Variants in PRICKLE2 observed in about 807,000 individuals in gnomAD.
PRICKLE2 encodes the protein prickle planar cell polarity protein 2.
PRICKLE2 carries 21 observed loss-of-function variants against 81.4 expected under a neutral mutation model. That is an observed-to-expected ratio of 0.26 (90% CI 0.18 to 0.37). PRICKLE2 has a LOEUF of 0.37. Among genes scored for constraint, PRICKLE2 ranks in the 10% least tolerant of loss-of-function variants. The probability of loss-of-function intolerance (pLI) is 1.00; values close to 1 mark genes in which losing one functional copy is unlikely to be tolerated. For missense variants in PRICKLE2, 940 were observed against 1,109.0 expected (o/e 0.85, Z 2.16); for synonymous variants, 456 against 421.5 (o/e 1.08, Z -1.00).
intron 2 of PRICKLE2, among the ~76,000 whole-genome samples, chr3:64,232,544 GCTCCTT>G: frequency 1.2e-4 from 3 of 25,676 alleles, no homozygotes; most frequent in Non-Finnish European, 9.8e-4. Flanking sequence ...CCCTCTGGCT[GCTCCTT>G]CTCAGGCTCT....
chr3:64,140,033 C>A (rs1176840988), intron 7 of PRICKLE2, among the ~76,000 whole-genome samples: 4 of 152,210 alleles, frequency 2.6e-5, no homozygotes, highest in Non-Finnish European at 4.4e-5. Context: ...GCATTGCATT[C>A]CCAGCACCTT....
intron 1 of PRICKLE2, 43 bp from the exon 2 acceptor site, chr3:64,199,010 T>A: frequency 1.1e-6 from 1 of 937,878 alleles, no homozygotes; most frequent in Non-Finnish European, 1.5e-6. Context: ...GGAAAAAACC[T>A]TTTTTTTTTT....
chr3:64,250,881 C>G (rs965699789), intron 2 of PRICKLE2, among the ~76,000 whole-genome samples: 9 of 152,146 alleles, frequency 5.9e-5, no homozygotes, highest in African/African-American at 2.2e-4. Context: ...CCCCAATAAC[C>G]AGCACACCTC....
Position 64,157,264 on chromosome 3 carries a change from A to G in PRICKLE2, c.498T>C (p.Asn166=). Residue 166 remains asparagine, a synonymous_variant, in exon 5 of 8, where the codon AAT becomes AAC. Coordinates refer to ENST00000638394, the MANE Select transcript of PRICKLE2 (RefSeq NM_198859.4). ...AGTAGATCAGATCCACCAGGAGCTC[A>G]TTGCAGACAGTGCATACGAAGCACG... ...HPPCFVCTVC[N]ELLVDLIYFY... is the part of the protein sequence containing the mutation. The G allele has an allele frequency of 1.2e-6, 2 of 1,614,208 alleles. No homozygotes were observed. The highest frequency in any genetic ancestry group is 1.7e-6 in the Non-Finnish European group (2 of 1,180,028).
intron 4 of PRICKLE2, among the ~76,000 whole-genome samples, chr3:64,159,240 G>A (rs932468330): frequency 2.6e-5 from 4 of 152,132 alleles, no homozygotes; most frequent in East Asian, 3.9e-4. Flanking sequence ...AACATGACTC[G>A]GAAGGGCTTC....
chr3:64,258,334 T>C (rs1218006124), intron 2 of PRICKLE2, among the ~76,000 whole-genome samples: 10 of 152,254 alleles, frequency 6.6e-5, no homozygotes, highest in South Asian at 2.1e-4. Flanking sequence ...CCAGCAACAA[T>C]TGAATGAATA....
chr3:64,231,801 C>G (rs2079108922), intron 2 of PRICKLE2, among the ~76,000 whole-genome samples: 1 of 152,114 alleles, frequency 6.6e-6, no homozygotes, highest in Non-Finnish European at 1.5e-5. Flanking sequence ...TTTATTATCC[C>G]CTATCATACA....
chr3:64,222,942 A>T (rs1296080036), intron 1 of PRICKLE2, among the ~76,000 whole-genome samples: 1 of 152,134 alleles, frequency 6.6e-6, no homozygotes, highest in Non-Finnish European at 1.5e-5. Context: ...GTTAGTTCTA[A>T]ATGATTTTCA....
At chr3:64,216,256 T>G (rs1343883651) in intron 1 of PRICKLE2, among the ~76,000 whole-genome samples, 4 of 152,224 alleles carry the variant, frequency 2.6e-5, no homozygotes, top group African/African-American at 4.8e-5. Flanking sequence ...CTTGATGCCC[T>G]TAAAATCTGA....
At chr3:64,167,591 C>T (rs764887814) in intron 2 of PRICKLE2, among the ~76,000 whole-genome samples, 13 of 152,202 alleles carry the variant, frequency 8.5e-5, no homozygotes, top group Non-Finnish European at 1.5e-4. Flanking sequence ...AGCAAAGCCT[C>T]GCCCAGCTGG....
chr3:64,206,328 G>A (rs564449309), intron 1 of PRICKLE2, among the ~76,000 whole-genome samples: 33 of 152,254 alleles, frequency 2.2e-4, no homozygotes, highest in African/African-American at 7.2e-4. Context: ...CGTAGAGTGT[G>A]GTTTAAAAAC....
intron 2 of PRICKLE2, among the ~76,000 whole-genome samples, chr3:64,170,874 C>CA (rs894754256): frequency 8.6e-5 from 13 of 151,762 alleles, no homozygotes; most frequent in South Asian, 2.1e-4. Flanking sequence ...GATTCTATCT[C>CA]AAAAAAACAA....
intron 1 of PRICKLE2, among the ~76,000 whole-genome samples, chr3:64,213,842 C>T (rs114636090): frequency 0.01 from 1,596 of 152,208 alleles, 28 homozygotes; most frequent in African/African-American, 0.036. Context: ...CAAGGCTCAA[C>T]GAGTTTGTGG....
intron 2 of PRICKLE2, among the ~76,000 whole-genome samples, chr3:64,267,649 C>T (rs1417374572): frequency 6.6e-6 from 1 of 152,010 alleles, no homozygotes; most frequent in African/African-American, 2.4e-5. Context: ...ACCATCGCCT[C>T]GTGATATTAT....
intron 2 of PRICKLE2, among the ~76,000 whole-genome samples, chr3:64,183,613 A>C (rs921243027): frequency 2.0e-5 from 3 of 152,224 alleles, no homozygotes; most frequent in African/African-American, 7.2e-5. Flanking sequence ...AAATTATGAA[A>C]GCTATAGAGT....
intron 2 of PRICKLE2, among the ~76,000 whole-genome samples, chr3:64,180,591 A>G (rs1340084787): frequency 2.0e-5 from 3 of 151,872 alleles, no homozygotes; most frequent in Non-Finnish European, 4.4e-5. Context: ...GGAGTGCAGT[A>G]GCACTATCTC....
At chr3:64,209,574 A>G (rs2078753076) in intron 1 of PRICKLE2, among the ~76,000 whole-genome samples, 1 of 152,178 alleles carries the variant, frequency 6.6e-6, no homozygotes, top group African/African-American at 2.4e-5. Flanking sequence ...ATTCATATCC[A>G]TACATACATC....
chr3:64,156,775 A>T (rs1436942219), intron 5 of PRICKLE2, among the ~76,000 whole-genome samples: 1 of 152,208 alleles, frequency 6.6e-6, no homozygotes, highest in African/African-American at 2.4e-5. Context: ...AAATGAAACA[A>T]TTTTAAGATA....
At chr3:64,244,910 T>TA (rs1306209277) in intron 2 of PRICKLE2, among the ~76,000 whole-genome samples, 8 of 152,168 alleles carry the variant, frequency 5.3e-5, no homozygotes, top group Non-Finnish European at 7.3e-5. Context: ...CACATGAATA[T>TA]ACCCCGAATA....
Sources: allele counts gnomAD v4.1 joint callset (sites outside exome capture counted in the v4.1 genomes callset), GRCh38; gene constraint gnomAD v4.1.1; transcripts MANE v1.5; gene names NCBI Gene and HGNC (gene_info 2026-07-23, HGNC 2026-07-21).